PSD2: variants seen among roughly 807,000 people sequenced by gnomAD.
The protein encoded by PSD2 is pleckstrin and Sec7 domain containing 2, also known as PH and SEC7 domain-containing protein 2.
A neutral mutation model predicts 69.8 loss-of-function variants in PSD2; 38 were observed. That is an observed-to-expected ratio of 0.54 (90% confidence interval 0.42 to 0.71). The LOEUF is 0.71. Among genes scored for constraint, PSD2 ranks in the 30% least tolerant of loss-of-function variants. The pLI, the probability that PSD2 is intolerant of heterozygous loss-of-function variation, is 0.00. For missense variants in PSD2, 943 were observed against 1,014.5 expected (o/e 0.93, Z 0.96); for synonymous variants, 412 against 423.0 (o/e 0.97, Z 0.32).
At chr5:139,828,145 G>A (rs1760477989) in intron 7 of PSD2, among the ~76,000 whole-genome samples, 1 of 152,140 alleles carries the variant, frequency 6.6e-6, no homozygotes, top group Admixed American at 6.5e-5. Flanking sequence ...ATGAGAAAAT[G>A]GCAGTGTGGG....
intron 1 of PSD2, among the ~76,000 whole-genome samples, chr5:139,797,492 C>G (rs536916718): frequency 6.6e-6 from 1 of 152,336 alleles, no homozygotes; most frequent in East Asian, 1.9e-4. Context: ...GAGGCCTCCC[C>G]GCTGCAGCTT....
At chr5:139,834,137 C>T (rs1760658608) in intron 8 of PSD2, among the ~76,000 whole-genome samples, 1 of 152,210 alleles carries the variant, frequency 6.6e-6, no homozygotes, top group South Asian at 2.1e-4. Flanking sequence ...AAAAGCCCCC[C>T]TCATTCCTTC....
intron 1 of PSD2, among the ~76,000 whole-genome samples, chr5:139,799,177 C>A (rs752032891): frequency 6.6e-6 from 1 of 152,144 alleles, no homozygotes; most frequent in African/African-American, 2.4e-5. Flanking sequence ...TAAGTTAGGT[C>A]ACTTGGCTCA....
intron 1 of PSD2, among the ~76,000 whole-genome samples, chr5:139,805,688 G>T (rs1191526713): frequency 6.6e-6 from 1 of 152,162 alleles, no homozygotes; most frequent in Non-Finnish European, 1.5e-5. Flanking sequence ...CTCTTTTAAA[G>T]ATCTAGGGAA....
chr5:139,799,631 C>A (rs1377063203), intron 1 of PSD2, among the ~76,000 whole-genome samples: 1 of 152,068 alleles, frequency 6.6e-6, no homozygotes. Context: ...GCTGACTGGG[C>A]CAGCACATGG....
chr5:139,802,457 G>A (rs561050771), intron 1 of PSD2, among the ~76,000 whole-genome samples: 1 of 151,726 alleles, frequency 6.6e-6, no homozygotes, highest in South Asian at 2.1e-4. Context: ...GTCCATTGTA[G>A]CTCTCAGGAT....
chr5:139,786,600 G>A, the PSD2 span, among the ~76,000 whole-genome samples: 4 of 152,132 alleles, frequency 2.6e-5, no homozygotes, highest in African/African-American at 7.2e-5. Context: ...GATCACCTGC[G>A]GCTGACTCCA....
At chr5:139,804,997 C>G (rs973800119) in intron 1 of PSD2, among the ~76,000 whole-genome samples, 1 of 149,776 alleles carries the variant, frequency 6.7e-6, no homozygotes, top group Non-Finnish European at 1.5e-5. Flanking sequence ...ATGTGTGTGT[C>G]TCTGTGTGTG....
At chr5:139,777,122 T>C in the PSD2 span, among the ~76,000 whole-genome samples, 6 of 152,210 alleles carry the variant, frequency 3.9e-5, no homozygotes, top group Admixed American at 1.3e-4. Context: ...TTCCAGCCTT[T>C]TCTCCAGCTT....
the PSD2 span, among the ~76,000 whole-genome samples, chr5:139,751,317 T>G: frequency 6.6e-6 from 1 of 152,170 alleles, no homozygotes; most frequent in African/African-American, 2.4e-5. Flanking sequence ...CCAAGCTCCC[T>G]TCTGCCAGCT....
At position 139,843,029 on chromosome 5, in the gene PSD2, T is replaced by G. The variant is rs937899800; in HGVS notation, c.*555T>G. On this transcript the variant is annotated 3_prime_UTR_variant, in exon 15 of 15. Coordinates refer to ENST00000274710, the MANE Select transcript of PSD2 (RefSeq NM_032289.4). ...GGGACCCAGGCTTGTGCCCTTTCAG[T>G]GTAAAGCTGACTCCATCACATGTGC... is the stretch of plus-strand genomic sequence containing the variant. The G allele has an allele frequency of 3.9e-5, 6 of 154,480 alleles. No individual in the cohort carries two copies. Among genetic ancestry groups the G allele is most frequent in the African/African-American group, 1.4e-4 (6 of 41,474 alleles). 9.6% of individuals were successfully genotyped at this position (154,480 alleles called of 1,614,324 possible). A position where few individuals can be genotyped will look rare whatever the true frequency, so the allele number is the denominator to read the frequency against.
In PSD2 at chr5:139,805,809, G is replaced by A. The variant is rs12521834; in HGVS notation, c.-50-3582G>A. Among the ~76,000 whole-genome samples the A allele has an allele frequency of 4.7e-3, 721 of 152,316 alleles. 23 individuals are homozygous for A. The highest frequency in any genetic ancestry group is 0.043 in the Admixed American group (664 of 15,306). On this transcript the variant is annotated intron_variant, in intron 1 of 14. Transcript: ENST00000274710. ...TGATGTGGGAGAGCATGGGGACATG[G>A]GGTAGAGGGCAGCAGAACCAGCTCC...
the PSD2 span, among the ~76,000 whole-genome samples, chr5:139,769,897 A>C: frequency 1.9e-3 from 285 of 152,372 alleles, no homozygotes; most frequent in Non-Finnish European, 3.6e-3. Context: ...CATGCTCACC[A>C]GGGCCTGCTT....
At chr5:139,776,765 C>T in the PSD2 span, among the ~76,000 whole-genome samples, 2 of 151,636 alleles carry the variant, frequency 1.3e-5, no homozygotes, top group Non-Finnish European at 1.5e-5. Flanking sequence ...ACTTCCTGGG[C>T]TCAAGTGATC....
At chr5:139,778,386 C>T in the PSD2 span, among the ~76,000 whole-genome samples, 1 of 152,158 alleles carries the variant, frequency 6.6e-6, no homozygotes, top group African/African-American at 2.4e-5. Flanking sequence ...AGAAGAGTGA[C>T]TCCAGAGGCT....
At chr5:139,780,631 A>T in the PSD2 span, among the ~76,000 whole-genome samples, 2 of 152,102 alleles carry the variant, frequency 1.3e-5, no homozygotes, top group Non-Finnish European at 2.9e-5. Flanking sequence ...TTTAGTAAAG[A>T]CGGGGTTTCA....
intron 1 of PSD2, among the ~76,000 whole-genome samples, chr5:139,808,477 G>C (rs1171914761): frequency 6.6e-6 from 1 of 152,206 alleles, no homozygotes; most frequent in Non-Finnish European, 1.5e-5. Context: ...GGCTGGCCTG[G>C]GCAGGCCAGT....
In PSD2 at chr5:139,837,246, A is replaced by C. The variant is rs1760750747; in HGVS notation, c.1665+8A>C. On this transcript the variant is annotated splice_region_variant and intron_variant, in intron 11 of 14. Coordinates refer to ENST00000274710, the MANE Select transcript of PSD2 (RefSeq NM_032289.4). The surrounding 1 kb of genome is among the most constrained non-coding windows in gnomAD (Gnocchi z 5.0). The stretch of plus-strand genomic sequence containing the variant: ...ATCCTGTACCTGCAGAAGGTGAGAG[A>C]CTGCCCCAGAGACCTTACTCAGAAA... The C allele has an allele frequency of 6.2e-7, 1 of 1,613,554 alleles. No individual in the cohort carries two copies. The highest frequency in any genetic ancestry group is 8.5e-7 in the Non-Finnish European group (1 of 1,179,566).
chr5:139,747,259 A>C, the PSD2 span, among the ~76,000 whole-genome samples: 44 of 145,710 alleles, frequency 3.0e-4, 1 homozygote, highest in African/African-American at 1.0e-3. The surrounding 1 kb of genome is among the most constrained non-coding windows in gnomAD (Gnocchi z 6.7). Flanking sequence ...GTTACCCCCA[A>C]CCCCCCGCAC....
Sources: allele counts gnomAD v4.1 joint callset (sites outside exome capture counted in the v4.1 genomes callset), GRCh38; gene constraint gnomAD v4.1.1; non-coding constraint Gnocchi (gnomAD v3.1); transcripts MANE v1.5; gene names NCBI Gene and HGNC (gene_info 2026-07-23, HGNC 2026-07-21).